CTIF: variants seen among roughly 807,000 people sequenced by gnomAD.
CTIF encodes the protein cap binding complex dependent translation initiation factor.
In CTIF, 21 loss-of-function variants were observed where a neutral mutation model predicts 66.0. The ratio of observed to expected loss-of-function variants is 0.32; its 90% CI spans 0.23 to 0.46. The LOEUF is 0.46. CTIF is among the 20% of genes least tolerant of loss of function. The pLI is 1.00. For missense variants in CTIF, 739 were observed against 812.7 expected (o/e 0.91, Z 1.10); for synonymous variants, 345 against 326.4 (o/e 1.06, Z -0.62).
At chr18:48,692,036 A>G (rs947813502) in intron 6 of CTIF, among the ~76,000 whole-genome samples, 3 of 152,164 alleles carry the variant, frequency 2.0e-5, no homozygotes, top group Non-Finnish European at 1.5e-5. Context: ...GTGTGCCACC[A>G]TGCCCAGCTA....
At chr18:48,720,985 G>A (rs967536173) in intron 7 of CTIF, among the ~76,000 whole-genome samples, 1 of 152,166 alleles carries the variant, frequency 6.6e-6, no homozygotes, top group Non-Finnish European at 1.5e-5. Context: ...CCACATCCAC[G>A]CGGGGGACAA....
At position 48,758,237 on chromosome 18, in the gene CTIF, C is replaced by T; in HGVS notation, c.903C>T (p.Asp301=). 1 of 1,613,382 alleles carries T rather than the reference C, an allele frequency of 6.2e-7. No individual in the cohort carries two copies. The highest frequency in any genetic ancestry group is 8.5e-7 in the Non-Finnish European group (1 of 1,179,728). Reference sequence around the variant, plus strand: ...GCCTTGAGGCCCCCCGCAGCCCTGACACCCTGGCCCCGGTGGCTTCTGAGC... The same window carrying T: ...GCCTTGAGGCCCCCCGCAGCCCTGATACCCTGGCCCCGGTGGCTTCTGAGC... The part of the protein sequence containing the change: ...HSSLEAPRSP[D]TLAPVASERL... The change falls in exon 8 of 12, where the codon GAC becomes GAT. Residue 301 remains aspartate (D), a synonymous_variant. Transcript: ENST00000256413.
At chr18:48,769,490 G>A (rs143042045) in intron 9 of CTIF, among the ~76,000 whole-genome samples, 1,677 of 152,342 alleles carry the variant, frequency 0.011, 40 homozygotes, top group African/African-American at 0.039. Flanking sequence ...GCTGAAGCCC[G>A]TGCCCTGCAA....
chr18:48,629,461 C>A (rs1414401030), intron 2 of CTIF, among the ~76,000 whole-genome samples: 1 of 152,054 alleles, frequency 6.6e-6, no homozygotes, highest in African/African-American at 2.4e-5. Flanking sequence ...TGTAAAACTT[C>A]TTTCTAAATC....
chr18:48,840,758 T>C (rs1245613659), intron 10 of CTIF, among the ~76,000 whole-genome samples: 6 of 152,140 alleles, frequency 3.9e-5, no homozygotes, highest in African/African-American at 1.2e-4. Context: ...CCCTACCCAG[T>C]TGGTCCTTGG....
chr18:48,634,539 G>A (rs919501998), intron 2 of CTIF, among the ~76,000 whole-genome samples: 1 of 152,202 alleles, frequency 6.6e-6, no homozygotes, highest in Admixed American at 6.6e-5. Context: ...AGAGTCCAGG[G>A]TTCCCGGTCA....
chr18:48,835,049 G>A lies in CTIF; in HGVS notation c.1527+17673G>A, dbSNP rs117683244. ...ACCAAGGTTTGCGTGTCAGACTTGC[G>A]TGATTTCAAATCCCATGTTCGTGGT... On this transcript the variant is annotated intron_variant, in intron 10 of 11. Coordinates refer to ENST00000256413, the MANE Select transcript of CTIF (RefSeq NM_014772.3). Among the ~76,000 whole-genome samples the A allele has an allele frequency of 8.3e-4, 126 of 152,344 alleles. 2 individuals are homozygous for A. The East Asian group carries it at 0.022, about 27-fold the overall frequency.
intron 1 of CTIF, among the ~76,000 whole-genome samples, chr18:48,600,958 G>A (rs144570541): frequency 9.7e-4 from 148 of 152,208 alleles, no homozygotes; most frequent in African/African-American, 2.9e-3. Context: ...TCTGAGAGGC[G>A]CCTCCTTGCT....
rs182203513 is a variant in CTIF, at chr18:48,590,760, C to G, written c.-28-28778C>G. ...ACATCCATTTCGGATGACTTCCTGC[C>G]CCTCTTTCTGTGCTACTTCCCAGGC... On this transcript the variant is annotated intron_variant, in intron 1 of 11. Coordinates refer to ENST00000256413, the MANE Select transcript of CTIF (RefSeq NM_014772.3). Among the ~76,000 whole-genome samples the G allele has an allele frequency of 4.6e-5, 7 of 152,276 alleles. No individual in the cohort carries two copies. In the East Asian group the frequency reaches 1.4e-3, roughly 29 times the overall value.
chr18:48,784,866 T>A (rs1330203899), intron 9 of CTIF, among the ~76,000 whole-genome samples: 1 of 152,194 alleles, frequency 6.6e-6, no homozygotes, highest in African/African-American at 2.4e-5. Flanking sequence ...CACGTGTACA[T>A]GTGAATAACT....
intron 1 of CTIF, among the ~76,000 whole-genome samples, chr18:48,561,055 A>G (rs1356214147): frequency 1.3e-5 from 2 of 152,264 alleles, no homozygotes; most frequent in East Asian, 3.9e-4. Flanking sequence ...CCTGGCCAAC[A>G]TGGCCAAACC....
chr18:48,775,473 A>T (rs970085175), intron 9 of CTIF, among the ~76,000 whole-genome samples: 4 of 152,262 alleles, frequency 2.6e-5, no homozygotes, highest in African/African-American at 9.6e-5. Flanking sequence ...CCGGCACAGT[A>T]GGACTTGAGG....
rs1483567166 is a variant in CTIF, at chr18:48,860,202, G to C, written c.*643G>C. ...CCACAGCCTCAGGCCTAGGGGGTCAGGCGCAGCGGGGGAGATGGAGTTTGC... is the reference window on the plus strand; with the variant it reads ...CCACAGCCTCAGGCCTAGGGGGTCACGCGCAGCGGGGGAGATGGAGTTTGC... On this transcript the variant is annotated 3_prime_UTR_variant, in exon 12 of 12. Coordinates refer to ENST00000256413, the MANE Select transcript of CTIF (RefSeq NM_014772.3). 1 of 341,418 alleles carries C rather than the reference G, an allele frequency of 2.9e-6. No individual in the cohort carries two copies. The highest frequency in any genetic ancestry group is 2.1e-5 in the African/African-American group (1 of 46,564). 21.1% of individuals were successfully genotyped at this position (341,418 alleles called of 1,614,324 possible). A position where few individuals can be genotyped will look rare whatever the true frequency, so the allele number is the denominator to read the frequency against.
At chr18:48,776,581 A>C (rs1910699662) in intron 9 of CTIF, among the ~76,000 whole-genome samples, 1 of 152,218 alleles carries the variant, frequency 6.6e-6, no homozygotes, top group Admixed American at 6.5e-5. Context: ...CAGCATCCCC[A>C]TAGGGGAAAC....
chr18:48,598,037 G>T (rs757939037), intron 1 of CTIF, among the ~76,000 whole-genome samples: 3 of 152,294 alleles, frequency 2.0e-5, no homozygotes, highest in Non-Finnish European at 4.4e-5. Flanking sequence ...CTCATCTTCT[G>T]GCTGCGGCAC....
intron 9 of CTIF, among the ~76,000 whole-genome samples, chr18:48,810,776 CTA>C (rs993268782): frequency 6.6e-6 from 1 of 150,614 alleles, no homozygotes; most frequent in Non-Finnish European, 1.5e-5. Flanking sequence ...ACTATAAAGT[CTA>C]TAACATTTTG....
chr18:48,824,352 A>G (rs965875096), intron 10 of CTIF, among the ~76,000 whole-genome samples: 2 of 143,222 alleles, frequency 1.4e-5, no homozygotes, highest in African/African-American at 5.1e-5. Context: ...GAGGGGTGCA[A>G]TTATTGTTTA....
chr18:48,643,938 G>T, intron 3 of CTIF, among the ~76,000 whole-genome samples: 1 of 152,142 alleles, frequency 6.6e-6, no homozygotes, highest in East Asian at 1.9e-4. Context: ...ATTTCCAGCA[G>T]CAGGGAGCTC....
chr18:48,634,599 A>C (rs574453711), intron 2 of CTIF, among the ~76,000 whole-genome samples: 2 of 152,344 alleles, frequency 1.3e-5, no homozygotes, highest in South Asian at 2.1e-4. Flanking sequence ...AGACCCAGGC[A>C]CTGCTGGTAA....
Sources: allele counts gnomAD v4.1 joint callset (sites outside exome capture counted in the v4.1 genomes callset), GRCh38; gene constraint gnomAD v4.1.1; transcripts MANE v1.5; gene names NCBI Gene and HGNC (gene_info 2026-07-23, HGNC 2026-07-21).